LMTK2: variants seen among roughly 807,000 people sequenced by gnomAD.
LMTK2 encodes serine/threonine-protein kinase LMTK2.
Under a neutral mutation model 127.5 loss-of-function variants are expected in LMTK2, and 37 were observed. That is an observed-to-expected ratio of 0.29 (90% CI 0.22 to 0.38). LMTK2 has a LOEUF of 0.38. Among genes scored for constraint, LMTK2 ranks in the 10% least tolerant of loss-of-function variants. The pLI, the probability that LMTK2 is intolerant of heterozygous loss-of-function variation, is 1.00. For missense variants in LMTK2, 1,694 were observed against 1,920.3 expected (o/e 0.88, Z 2.20); for synonymous variants, 819 against 810.1 (o/e 1.01, Z -0.19).
At chr7:98,185,224 A>C (rs1185041749) in intron 8 of LMTK2, 89 bp downstream of exon 8, 5 of 895,392 alleles carry the variant, frequency 5.6e-6, no homozygotes, top group Non-Finnish European at 8.9e-6. Flanking sequence ...TTGTATAAGA[A>C]TCTTAGTCGC....
At chr7:98,130,196 G>T (rs968847876) in intron 1 of LMTK2, among the ~76,000 whole-genome samples, 1 of 152,146 alleles carries the variant, frequency 6.6e-6, no homozygotes. Flanking sequence ...GAGTGATGGA[G>T]TCGGGGCTGG....
intron 1 of LMTK2, among the ~76,000 whole-genome samples, chr7:98,122,031 C>T (rs1021610914): frequency 2.6e-5 from 4 of 152,084 alleles, no homozygotes; most frequent in African/African-American, 9.7e-5. Flanking sequence ...GTAAAAACAA[C>T]TATTTAGTTT....
At chr7:98,154,062 C>A (rs140241894) in intron 4 of LMTK2, among the ~76,000 whole-genome samples, 122 of 152,158 alleles carry the variant, frequency 8.0e-4, no homozygotes, top group Non-Finnish European at 9.4e-4. Context: ...TTTTAAAAAT[C>A]ATTCTCTAGA....
chr7:98,186,508 C>G (rs1797437069), intron 8 of LMTK2, among the ~76,000 whole-genome samples: 1 of 152,202 alleles, frequency 6.6e-6, no homozygotes, highest in Admixed American at 6.5e-5. Context: ...CCCGGTCTGT[C>G]AGAGTCTAAA....
chr7:98,200,347 C>G (rs537620244), intron 11 of LMTK2, among the ~76,000 whole-genome samples: 12 of 152,176 alleles, frequency 7.9e-5, no homozygotes, highest in Non-Finnish European at 1.8e-4. Context: ...CTAAGAAACT[C>G]AAGAGGAAAT....
chr7:98,163,637 G>A (rs942884188), intron 6 of LMTK2, among the ~76,000 whole-genome samples: 3 of 152,178 alleles, frequency 2.0e-5, no homozygotes, highest in South Asian at 2.1e-4. Context: ...TGGCAAGAAC[G>A]GTCAGGTAGC....
At chr7:98,173,953 G>A (rs937156326) in intron 7 of LMTK2, among the ~76,000 whole-genome samples, 2 of 152,232 alleles carry the variant, frequency 1.3e-5, no homozygotes, top group South Asian at 4.2e-4. Flanking sequence ...CTATTCGGGA[G>A]GCTGAGGCAG....
chr7:98,130,513 C>G (rs1323324462), intron 1 of LMTK2, among the ~76,000 whole-genome samples: 1 of 152,132 alleles, frequency 6.6e-6, no homozygotes. Flanking sequence ...CCCCTAAATT[C>G]ATACGTGGAA....
intron 2 of LMTK2, among the ~76,000 whole-genome samples, chr7:98,140,760 T>A (rs1796685435): frequency 6.6e-6 from 1 of 151,958 alleles, no homozygotes; most frequent in Non-Finnish European, 1.5e-5. Context: ...ACAAAAGTAA[T>A]AATATTAAAA....
In LMTK2 at chr7:98,205,581, C is replaced by A; in HGVS notation, c.*89C>A. The A allele has an allele frequency of 7.4e-7, 1 of 1,358,300 alleles. No individual in the cohort carries two copies. The highest frequency in any genetic ancestry group is 1.0e-6 in the Non-Finnish European group (1 of 968,568). The allele number at this position is 1,358,300 out of a possible 1,614,324, so 84.1% of individuals were successfully genotyped here. A position where few individuals can be genotyped will look rare whatever the true frequency, so the allele number is the denominator to read the frequency against. On this transcript the variant is annotated 3_prime_UTR_variant, in exon 14 of 14. Coordinates refer to ENST00000297293, the MANE Select transcript of LMTK2 (RefSeq NM_014916.4). The stretch of plus-strand genomic sequence containing the variant: ...CAGCCCGAGCAGCGACATCCACTCG[C>A]CATTTGCTGACATGAGATTGGGAGG...
intron 1 of LMTK2, among the ~76,000 whole-genome samples, chr7:98,129,201 C>T (rs776449599): frequency 6.6e-6 from 1 of 152,166 alleles, no homozygotes; most frequent in East Asian, 1.9e-4. Context: ...CCTCCCACCT[C>T]AGCCTCTCGA....
chr7:98,188,441 AT>A (rs573299692), intron 9 of LMTK2, among the ~76,000 whole-genome samples: 2 of 152,040 alleles, frequency 1.3e-5, no homozygotes, highest in East Asian at 1.9e-4. Flanking sequence ...TTATTTCTCC[AT>A]TTTTTAAAAA....
At chr7:98,109,791 A>G (rs1317909230) in intron 1 of LMTK2, among the ~76,000 whole-genome samples, 1 of 151,680 alleles carries the variant, frequency 6.6e-6, no homozygotes, top group Non-Finnish European at 1.5e-5. Context: ...TCAGACATAG[A>G]TATTCAGGGG....
At position 98,171,501 on chromosome 7, in the gene LMTK2, T is replaced by C; in HGVS notation, c.658-40T>C. 2 of 1,613,718 alleles carry C rather than the reference T, an allele frequency of 1.2e-6. No homozygotes were observed. The highest frequency in any genetic ancestry group is 1.7e-6 in the Non-Finnish European group (2 of 1,179,946). Reference sequence around the variant, plus strand: ...CGTATTTAAGCGCTCACTTTATTCCTGTGGCTCGTTTGGAAACTCACACGG... The same window carrying C: ...CGTATTTAAGCGCTCACTTTATTCCCGTGGCTCGTTTGGAAACTCACACGG... On this transcript the variant is annotated intron_variant, in intron 6 of 13. Transcript: ENST00000297293. This position sits in a 1 kb window ranked among gnomAD's most constrained non-coding sequence, Gnocchi z 5.1.
Position 98,205,482 on chromosome 7 carries a change from A to G in LMTK2, c.4502A>G (p.Glu1501Gly). The change falls in exon 14 of 14, where the codon GAA (glutamate) becomes GGA (glycine). Residue 1501 changes from glutamate (E) to glycine (G), a missense_variant. This residue lies in a region of LMTK2 where 554 missense variants were observed against 567.7 expected (regional missense o/e 0.98). Transcript: ENST00000297293. The part of the protein sequence containing the change: ...IEQGGSSEDG[E>G]KD ...TCAACAGGAAGCAGCGAAGACGGAG[A>G]AAAGGACTAGGTGGCTGCCAACGCG... 4 of 1,613,392 alleles carry G rather than the reference A, an allele frequency of 2.5e-6. No homozygotes were observed. Among genetic ancestry groups the G allele is most frequent in the Non-Finnish European group, 3.4e-6 (4 of 1,180,020 alleles).
chr7:98,206,179 T>G lies in LMTK2; in HGVS notation c.*687T>G, dbSNP rs1433334693. The G allele has an allele frequency of 6.6e-6, 1 of 152,312 alleles. No individual in the cohort carries two copies. Among genetic ancestry groups the G allele is most frequent in the Non-Finnish European group, 1.5e-5 (1 of 68,052 alleles). The allele number at this position is 152,312 out of a possible 1,614,324, so 9.4% of individuals were successfully genotyped here. A position where few individuals can be genotyped will look rare whatever the true frequency, so the allele number is the denominator to read the frequency against. On this transcript the variant is annotated 3_prime_UTR_variant, in exon 14 of 14. Coordinates refer to ENST00000297293, the MANE Select transcript of LMTK2 (RefSeq NM_014916.4). ...GTTGGGATTGTACATATGGTACTCT[T>G]TCATAAATGATAAATGATTCTGAAT...
At chr7:98,127,876 C>T (rs1323254581) in intron 1 of LMTK2, among the ~76,000 whole-genome samples, 2 of 152,208 alleles carry the variant, frequency 1.3e-5, no homozygotes, top group African/African-American at 2.4e-5. Context: ...GGCATGGTGG[C>T]TCATGCCTGT....
intron 5 of LMTK2, among the ~76,000 whole-genome samples, chr7:98,155,556 C>T (rs1036000507): frequency 6.6e-6 from 1 of 151,394 alleles, no homozygotes; most frequent in African/African-American, 2.5e-5. Flanking sequence ...ACAGAAACAG[C>T]ACTTTACCTA....
chr7:98,143,091 G>C (rs983797316), intron 3 of LMTK2, among the ~76,000 whole-genome samples: 4 of 152,200 alleles, frequency 2.6e-5, no homozygotes, highest in Non-Finnish European at 4.4e-5. Context: ...GGATGGATGG[G>C]AGCACAGTCA....
Sources: allele counts gnomAD v4.1 joint callset (sites outside exome capture counted in the v4.1 genomes callset), GRCh38; gene constraint gnomAD v4.1.1; regional missense constraint gnomAD v4.1.1; non-coding constraint Gnocchi (gnomAD v3.1); transcripts MANE v1.5; gene names NCBI Gene and HGNC (gene_info 2026-07-23, HGNC 2026-07-21).